The following RAP1B variants were observed in gnomAD, a reference collection of about 807,000 sequenced individuals.
RAP1B encodes the protein RAP1B, member of RAS oncogene family.
In RAP1B, 1 loss-of-function variant was observed where a neutral mutation model predicts 27.5. The ratio of observed to expected loss-of-function variants is 0.04; its 90% CI spans 0.01 to 0.17. RAP1B has a LOEUF of 0.17. Among genes scored for constraint, RAP1B ranks in the 10% least tolerant of loss-of-function variants. RAP1B has a pLI of 1.00. For missense variants in RAP1B, 84 were observed against 214.8 expected (o/e 0.39, Z 3.81); for synonymous variants, 75 against 73.1 (o/e 1.03, Z -0.13).
intron 1 of RAP1B, among the ~76,000 whole-genome samples, chr12:68,628,203 A>G (rs570999236): frequency 6.6e-6 from 1 of 152,308 alleles, no homozygotes; most frequent in South Asian, 2.1e-4. Flanking sequence ...AATTACATGT[A>G]CTTTAACTTG....
intron 1 of RAP1B, among the ~76,000 whole-genome samples, chr12:68,626,624 A>G (rs1339282472): frequency 6.6e-6 from 1 of 152,162 alleles, no homozygotes; most frequent in African/African-American, 2.4e-5. Context: ...TCTGAGGAAT[A>G]GCAGACACCC....
At chr12:68,654,324 T>C (rs1321944567) in intron 5 of RAP1B, 72 bp downstream of exon 5, 5 of 598,406 alleles carry the variant, frequency 8.4e-6, no homozygotes, top group Non-Finnish European at 1.2e-5. Context: ...TAAATTTAAA[T>C]TCATTTTAAA....
chr12:68,634,971 T>C (rs1278216421), intron 1 of RAP1B, among the ~76,000 whole-genome samples: 2 of 152,246 alleles, frequency 1.3e-5, no homozygotes, highest in Non-Finnish European at 2.9e-5. Flanking sequence ...GAGAAAATGC[T>C]ATACACAGTT....
At chr12:68,611,732 G>GT (rs2135901854) in intron 1 of RAP1B, among the ~76,000 whole-genome samples, 1 of 152,258 alleles carries the variant, frequency 6.6e-6, no homozygotes, top group South Asian at 2.1e-4. Context: ...GAGAAAAACT[G>GT]TTAAAGGGGC....
intron 1 of RAP1B, among the ~76,000 whole-genome samples, chr12:68,620,764 CTT>C (rs940175917): frequency 6.6e-6 from 1 of 151,816 alleles, no homozygotes; most frequent in Non-Finnish European, 1.5e-5. Flanking sequence ...ACCCAACTAA[CTT>C]TTGTAGAGAC....
chr12:68,641,604 T>C lies in RAP1B; in HGVS notation c.-26-7095T>C, dbSNP rs115680850. 8.5e-3 allele frequency among the ~76,000 whole-genome samples: 1,302 copies of C among 152,298 alleles called. 24 individuals are homozygous for C. Among genetic ancestry groups the C allele is most frequent in the African/African-American group, 0.03 (1,231 of 41,558 alleles). ...CCAAGTGTAAAAGCTGTCAGTTACT[T>C]TCATCAATCAGGTTAGTTGCAGTCA... On this transcript the variant is annotated intron_variant, in intron 1 of 7. Coordinates refer to ENST00000250559, the MANE Select transcript of RAP1B (RefSeq NM_001010942.3).
intron 1 of RAP1B, among the ~76,000 whole-genome samples, chr12:68,613,940 G>A (rs913662261): frequency 3.3e-5 from 5 of 152,158 alleles, no homozygotes; most frequent in Admixed American, 6.5e-5. Context: ...TAAAGGTAAA[G>A]TGACCCCCTC....
chr12:68,618,279 G>A (rs1316578423), intron 1 of RAP1B, among the ~76,000 whole-genome samples: 2 of 151,444 alleles, frequency 1.3e-5, no homozygotes, highest in African/African-American at 4.9e-5. Context: ...TCTTAGAGAC[G>A]GGGCTTCACC....
intron 1 of RAP1B, among the ~76,000 whole-genome samples, chr12:68,611,896 GC>G (rs1483744534): frequency 6.6e-6 from 1 of 152,144 alleles, no homozygotes; most frequent in Non-Finnish European, 1.5e-5. Context: ...AGTGAACCGG[GC>G]TCTCCGGATT....
In RAP1B at chr12:68,636,789, G is replaced by A. The variant is rs373362640; in HGVS notation, c.-26-11910G>A. Among the ~76,000 whole-genome samples, 3 of 152,106 alleles carry A rather than the reference G, an allele frequency of 2.0e-5. No individual in the cohort carries two copies. In the East Asian group the frequency reaches 5.8e-4, roughly 29 times the overall value. On this transcript the variant is annotated intron_variant, in intron 1 of 7. Transcript: ENST00000250559. ...CTGCCTCAGCCTCCGGAGTAGCTGG[G>A]ATTACAGGTGTGCACCATCATGCCC...
At chr12:68,654,548 G>T (rs938773519) in intron 5 of RAP1B, among the ~76,000 whole-genome samples, 1 of 150,660 alleles carries the variant, frequency 6.6e-6, no homozygotes, top group Non-Finnish European at 1.5e-5. Context: ...CTGAAGTGCT[G>T]TGGTGCGATA....
rs1044937501 is a variant in RAP1B, at chr12:68,667,521, G to A, written c.*8272G>A. ...ATGTGTTAGTACATTCAGCGTTAGGGTTGGGTTTCTTGTCTCTGTAATCAC... is the reference window on the plus strand; with the variant it reads ...ATGTGTTAGTACATTCAGCGTTAGGATTGGGTTTCTTGTCTCTGTAATCAC... On this transcript the variant is annotated 3_prime_UTR_variant, in exon 8 of 8. Coordinates refer to ENST00000250559, the MANE Select transcript of RAP1B (RefSeq NM_001010942.3). 1 of 152,176 alleles carries A rather than the reference G, an allele frequency of 6.6e-6. No homozygotes were observed. The highest frequency in any genetic ancestry group is 1.5e-5 in the Non-Finnish European group (1 of 68,026). The allele number at this position is 152,176 out of a possible 1,614,324, so 9.4% of individuals were successfully genotyped here.
At chr12:68,657,948 A>G (rs547112228) in intron 7 of RAP1B, among the ~76,000 whole-genome samples, 1 of 151,684 alleles carries the variant, frequency 6.6e-6, no homozygotes, top group African/African-American at 2.4e-5. Context: ...AAGTTCCAGG[A>G]TACATGTGCA....
At position 68,662,059 on chromosome 12, in the gene RAP1B, GTATATA is replaced by G. The variant is rs139441891; in HGVS notation, c.*2818_*2823del. 2 of 145,008 alleles carry G rather than the reference GTATATA, an allele frequency of 1.4e-5. No individual in the cohort carries two copies. The highest frequency in any genetic ancestry group is 3.0e-5 in the Non-Finnish European group (2 of 66,350). 9.0% of individuals were successfully genotyped at this position (145,008 alleles called of 1,614,324 possible). A position where few individuals can be genotyped will look rare whatever the true frequency, so the allele number is the denominator to read the frequency against. ...TATATATAGTACATATATAGAGAGA[GTATATA>G]TATATATGTAGTACAGTGGAGGTCT... On this transcript the variant is annotated 3_prime_UTR_variant, in exon 8 of 8. Transcript: ENST00000250559.
chr12:68,611,202 G>GCGCGAGGGCCAGGCGCCGGGCC (rs1870546008), intron 1 of RAP1B, 159 bp downstream of exon 1: 1 of 146,506 alleles, frequency 6.8e-6, no homozygotes, highest in Admixed American at 6.8e-5. Context: ...GCGGCAGGTG[G>GCGCGAGGGCCAGGCGCCGGGCC]CGCGAGGGCC....
In RAP1B at chr12:68,667,437, C is replaced by T. The variant is rs929360938; in HGVS notation, c.*8188C>T. 2 of 152,176 alleles carry T rather than the reference C, an allele frequency of 1.3e-5. No individual in the cohort carries two copies. The highest frequency in any genetic ancestry group is 4.8e-5 in the African/African-American group (2 of 41,440). 9.4% of individuals were successfully genotyped at this position (152,176 alleles called of 1,614,324 possible). On this transcript the variant is annotated 3_prime_UTR_variant, in exon 8 of 8. Coordinates refer to ENST00000250559, the MANE Select transcript of RAP1B (RefSeq NM_001010942.3). ...AAACTCATCTGGTTGGAATGAAGTA[C>T]ACTGAACATTTGAGGAAGTTAGAGA...
chr12:68,642,558 T>A (rs535453530), intron 1 of RAP1B: 1 of 1,066,026 alleles, frequency 9.4e-7, no homozygotes, highest in Non-Finnish European at 1.5e-6. Flanking sequence ...GGATACTTTT[T>A]CTCGTCTAAT....
intron 1 of RAP1B, among the ~76,000 whole-genome samples, chr12:68,612,164 C>G (rs553039839): frequency 6.6e-6 from 1 of 152,304 alleles, no homozygotes; most frequent in East Asian, 1.9e-4. Flanking sequence ...TTAATTCCGT[C>G]TAATTGGATT....
chr12:68,641,364 G>C (rs1001768676), intron 1 of RAP1B, among the ~76,000 whole-genome samples: 2 of 152,090 alleles, frequency 1.3e-5, no homozygotes, highest in African/African-American at 2.4e-5. Flanking sequence ...CCGGACTCTC[G>C]ACAATGCCAA....
Sources: gnomAD v4.1 joint callset for allele counts (sites outside exome capture counted in the v4.1 genomes callset) on GRCh38, gnomAD v4.1.1 for gene constraint, MANE v1.5 for transcripts, NCBI Gene and HGNC (gene_info 2026-07-23, HGNC 2026-07-21) for gene names.